MAP4: variants seen among roughly 807,000 people sequenced by gnomAD.
MAP4 encodes microtubule associated protein 4, also known as microtubule-associated protein 4.
A neutral mutation model predicts 170.2 loss-of-function variants in MAP4; 76 were observed. The observed-to-expected ratio is 0.45, with a 90% confidence interval of 0.37 to 0.54. The LOEUF (loss-of-function observed/expected upper bound fraction) is 0.54, where lower values mean the gene tolerates loss of function less well. Ranked by LOEUF, MAP4 falls within the 20% of genes least tolerant of loss-of-function variation. The pLI is 0.00. For synonymous variants in MAP4, 909 were observed against 994.5 expected (o/e 0.91, Z 1.62); for missense variants, 2,506 against 2,748.0 (o/e 0.91, Z 1.97).
At chr3:47,999,842 GT>G (rs1453095764) in intron 1 of MAP4, among the ~76,000 whole-genome samples, 4 of 8,596 alleles carry the variant, frequency 4.7e-4, no homozygotes, top group Admixed American at 2.4e-3. Flanking sequence ...CTAAAATAAA[GT>G]TTAAAAAAAA....
rs985622218 is a variant in MAP4, at chr3:47,911,260, C to T, written c.3161G>A (p.Arg1054Lys). ...VPGVENEPFK[R>K]MAGDGKSRKG... ...CCTGCTTTTGCCATCACCTGCCATT[C>T]TCTTAAATGGTTCATTCTCTACCCC... Residue 1054 changes from arginine to lysine, a missense_variant, in exon 9 of 21, where the codon AGA becomes AAA. Coordinates refer to ENST00000683076, the MANE Select transcript of MAP4 (RefSeq NM_001385682.1). The surrounding 1 kb of genome is among the most constrained non-coding windows in gnomAD (Gnocchi z 4.0). The T allele has an allele frequency of 5.9e-6, 9 of 1,535,998 alleles. No individual in the cohort carries two copies. Among genetic ancestry groups the T allele is most frequent in the Non-Finnish European group, 7.8e-6 (9 of 1,146,922 alleles).
At chr3:47,982,790 T>A (rs1478848346) in intron 2 of MAP4, among the ~76,000 whole-genome samples, 1 of 152,156 alleles carries the variant, frequency 6.6e-6, no homozygotes, top group Non-Finnish European at 1.5e-5. Flanking sequence ...CAAATGAAAG[T>A]AAAGCCACTA....
intron 10 of MAP4, among the ~76,000 whole-genome samples, chr3:47,881,888 G>A (rs752511870): frequency 6.6e-6 from 1 of 152,030 alleles, no homozygotes; most frequent in Non-Finnish European, 1.5e-5. Flanking sequence ...AGCAGGAGCC[G>A]CTGTACCTGG....
intron 1 of MAP4, among the ~76,000 whole-genome samples, chr3:48,036,294 T>G (rs114968983): frequency 0.043 from 6,619 of 152,238 alleles, 476 homozygotes; most frequent in African/African-American, 0.15. Context: ...CTCCCACCTT[T>G]TCCACCCACA....
At chr3:47,992,866 C>A (rs959954120) in intron 2 of MAP4, among the ~76,000 whole-genome samples, 1 of 149,496 alleles carries the variant, frequency 6.7e-6, no homozygotes, top group South Asian at 2.1e-4. Flanking sequence ...ACTGTGCCAC[C>A]GCACTCCAGC....
intron 3 of MAP4, among the ~76,000 whole-genome samples, chr3:47,947,549 A>T (rs951299335): frequency 6.6e-6 from 1 of 152,204 alleles, no homozygotes; most frequent in Non-Finnish European, 1.5e-5. Context: ...GTGGTGGCTC[A>T]TGCCTGTAAT....
At chr3:47,861,478 A>T (rs1396404732) in intron 17 of MAP4, among the ~76,000 whole-genome samples, 1 of 150,060 alleles carries the variant, frequency 6.7e-6, no homozygotes, top group Non-Finnish European at 1.5e-5. Flanking sequence ...TCAGCTTTCC[A>T]AGTAGCTGGG....
Position 47,862,346 on chromosome 3 carries a change from C to CAAA in MAP4, c.6502-4837_6502-4835dup, listed in dbSNP as rs57751818. On this transcript the variant is annotated intron_variant, in intron 17 of 20. Transcript: ENST00000683076. ...TGAGGGACAGAGCGAGACTGTGTCT[C>CAAA]AAAAAAAAAAAAAAAAAAAAAAAAA... 1.6e-3 allele frequency among the ~76,000 whole-genome samples: 84 copies of CAAA among 52,358 alleles called. 3 individuals are homozygous for CAAA. Among genetic ancestry groups the CAAA allele is most frequent in the East Asian group, 1.9e-3 (3 of 1,590 alleles). 34.3% of individuals were successfully genotyped at this position (52,358 alleles called of 152,430 possible).
intron 1 of MAP4, among the ~76,000 whole-genome samples, chr3:48,044,303 C>T (rs1281903185): frequency 6.7e-6 from 1 of 150,292 alleles, no homozygotes; most frequent in Non-Finnish European, 1.5e-5. Flanking sequence ...TACAGGCACC[C>T]GCCACCACGC....
At position 47,909,602 on chromosome 3, in the gene MAP4, C is replaced by T. The variant is rs2100034912; in HGVS notation, c.4819G>A (p.Val1607Met). Residue 1607 changes from valine to methionine, a missense_variant, in exon 9 of 21, where the codon GTG becomes ATG. Physicochemically the swap from Val to Met is conservative, Grantham distance 21. Transcript: ENST00000683076. The stretch of plus-strand genomic sequence containing the variant: ...TCTTTAGTCTCTTTCTCTTCATTCA[C>T]TGGATGTGCTGGGAAATTACCTCTA... Reference protein sequence around the residue: ...ADRGNFPAHPVNEEKETKEGS... With the variant: ...ADRGNFPAHPMNEEKETKEGS... 2 of 1,613,488 alleles carry T rather than the reference C, an allele frequency of 1.2e-6. No homozygotes were observed. Among genetic ancestry groups the T allele is most frequent in the Admixed American group, 1.7e-5 (1 of 60,024 alleles).
chr3:47,887,506 G>A (rs929790095), intron 10 of MAP4, among the ~76,000 whole-genome samples: 1 of 152,182 alleles, frequency 6.6e-6, no homozygotes, highest in Non-Finnish European at 1.5e-5. Context: ...ATGGGCTCCT[G>A]TGCCGCCCGA....
intron 1 of MAP4, among the ~76,000 whole-genome samples, chr3:48,035,190 GAA>G (rs71625848): frequency 1.4e-4 from 12 of 84,000 alleles, no homozygotes; most frequent in Admixed American, 2.5e-4. Context: ...TGATTTGTAT[GAA>G]AAAAAAAAAA....
At chr3:47,863,935 T>G (rs866543519) in intron 17 of MAP4, among the ~76,000 whole-genome samples, 4 of 102,450 alleles carry the variant, frequency 3.9e-5, no homozygotes, top group Admixed American at 8.9e-5. Flanking sequence ...TGTGTGTGTG[T>G]GTGGGGAGTG....
At chr3:47,962,720 C>G (rs1398420046) in intron 3 of MAP4, among the ~76,000 whole-genome samples, 1 of 151,816 alleles carries the variant, frequency 6.6e-6, no homozygotes, top group East Asian at 1.9e-4. Flanking sequence ...GAAAATAAAT[C>G]AGAAGGCAAA....
At position 48,054,608 on chromosome 3, in the gene MAP4, C is replaced by A. The variant is rs183995561; in HGVS notation, c.-20+34165G>T. On this transcript the variant is annotated intron_variant, in intron 1 of 18. Coordinates refer to the MAP4 transcript ENST00000360240. ...TCATGCCACTGCACGCCAACCTGGG[C>A]GACAGTGTAAGACTCCATCTCAAAA... 2.7e-5 allele frequency among the ~76,000 whole-genome samples: 3 copies of A among 109,956 alleles called. 1 individual carries two copies. The highest frequency in any genetic ancestry group is 6.2e-4 in the South Asian group (2 of 3,222). 72.1% of individuals were successfully genotyped at this position (109,956 alleles called of 152,430 possible).
At chr3:48,026,262 G>T (rs2100113073) in intron 1 of MAP4, among the ~76,000 whole-genome samples, 1 of 152,110 alleles carries the variant, frequency 6.6e-6, no homozygotes, top group Non-Finnish European at 1.5e-5. Context: ...GCCTTGTCAG[G>T]CTCACAGAGG....
At chr3:47,967,103 G>A (rs1398643666) in intron 3 of MAP4, among the ~76,000 whole-genome samples, 4 of 152,220 alleles carry the variant, frequency 2.6e-5, no homozygotes, top group Non-Finnish European at 5.9e-5. Flanking sequence ...TTGGGAGGCC[G>A]AGGCGGGCAG....
intron 5 of MAP4, among the ~76,000 whole-genome samples, chr3:47,921,193 C>T (rs1023224201): frequency 1.3e-5 from 2 of 152,156 alleles, no homozygotes; most frequent in Non-Finnish European, 2.9e-5. Flanking sequence ...TGTGAATTGT[C>T]TCCTTTGATT....
intron 3 of MAP4, among the ~76,000 whole-genome samples, chr3:47,966,037 A>G (rs1370892592): frequency 2.0e-5 from 3 of 151,810 alleles, no homozygotes; most frequent in Non-Finnish European, 2.9e-5. Context: ...ATCCATTTTA[A>G]GTTAATTTTT....
Sources: gnomAD v4.1 joint callset for allele counts (sites outside exome capture counted in the v4.1 genomes callset) on GRCh38, gnomAD v4.1.1 for gene constraint, Gnocchi (gnomAD v3.1) non-coding constraint, MANE v1.5 for transcripts, NCBI Gene and HGNC (gene_info 2026-07-23, HGNC 2026-07-21) for gene names.